The following EDDM13 variants were observed in gnomAD, a reference collection of about 807,000 sequenced individuals.
The protein encoded by EDDM13 is epididymal protein 13.
In EDDM13, 24 loss-of-function variants were observed where a neutral mutation model predicts 17.8. The ratio of observed to expected loss-of-function variants is 1.35; its 90% confidence interval spans 0.98 to 1.90. The LOEUF is 1.90. EDDM13 is among the 40% of genes most tolerant of loss of function. EDDM13 has a pLI of 0.00. For synonymous variants in EDDM13, 31 were observed against 37.5 expected (o/e 0.83, Z 0.63); for missense variants, 97 against 100.8 (o/e 0.96, Z 0.16).
chr19:56,310,155 T>A lies in EDDM13; in HGVS notation c.*7T>A, dbSNP rs932118606. 6.6e-6 allele frequency: 1 copy of A among 152,328 alleles called. No homozygotes were observed. The highest frequency in any genetic ancestry group is 2.4e-5 in the African/African-American group (1 of 41,474). The allele number at this position is 152,328 out of a possible 1,614,324, so 9.4% of individuals were successfully genotyped here. A position where few individuals can be genotyped will look rare whatever the true frequency, so the allele number is the denominator to read the frequency against. Reference sequence around the variant, plus strand: ...TCCCTGCTGTTCTTTCTAGTGAGCCTGCTCCATCTCAGCTTAGCCTTCACA... The same window carrying A: ...TCCCTGCTGTTCTTTCTAGTGAGCCAGCTCCATCTCAGCTTAGCCTTCACA... On this transcript the variant is annotated 3_prime_UTR_variant, in exon 15 of 15. Transcript: ENST00000649256.
chr19:56,282,412 C>T, intron 3 of EDDM13, 79 bp from the exon 4 acceptor site: 1 of 860,730 alleles, frequency 1.2e-6, no homozygotes, highest in African/African-American at 1.8e-5. Context: ...CTTTCATATT[C>T]TCTCTGAACC....
chr19:56,283,968 A>G (rs1238649205), intron 4 of EDDM13: 2 of 153,136 alleles, frequency 1.3e-5, no homozygotes, highest in Non-Finnish European at 2.9e-5. Flanking sequence ...CATCAAATGC[A>G]CGAGGGTCCT....
At chr19:56,309,930 C>G (rs1287250930) in intron 14 of EDDM13, among the ~76,000 whole-genome samples, 194 bp from the exon 15 acceptor site, 1 of 151,862 alleles carries the variant, frequency 6.6e-6, no homozygotes, top group Non-Finnish European at 1.5e-5. Flanking sequence ...GCTGGAACAG[C>G]CCGGTGGGAA....
At chr19:56,289,388 C>A (rs141820645) in intron 8 of EDDM13, among the ~76,000 whole-genome samples, 1 of 152,252 alleles carries the variant, frequency 6.6e-6, no homozygotes, top group African/African-American at 2.4e-5. Context: ...AGGCCCTTTA[C>A]AGAGGGGAGG....
At chr19:56,292,305 A>G (rs1382804177) in intron 9 of EDDM13, among the ~76,000 whole-genome samples, 1 of 152,202 alleles carries the variant, frequency 6.6e-6, no homozygotes, top group Non-Finnish European at 1.5e-5. Context: ...TTTTTTAGAG[A>G]CAGGATCTTG....
intron 3 of EDDM13, among the ~76,000 whole-genome samples, chr19:56,282,012 T>A (rs1441835839): frequency 6.6e-6 from 1 of 152,180 alleles, no homozygotes; most frequent in African/African-American, 2.4e-5. Flanking sequence ...TTCAGTAGGA[T>A]CAATGACCTA....
At chr19:56,300,150 T>C (rs1354761568) in intron 12 of EDDM13, among the ~76,000 whole-genome samples, 1 of 151,938 alleles carries the variant, frequency 6.6e-6, no homozygotes, top group African/African-American at 2.4e-5. Flanking sequence ...TCCACCCAGG[T>C]AGAAGAGAAA....
chr19:56,301,011 C>A (rs943048370), intron 12 of EDDM13, among the ~76,000 whole-genome samples: 2 of 152,120 alleles, frequency 1.3e-5, no homozygotes, highest in South Asian at 4.1e-4. Flanking sequence ...GCAGAGGCAG[C>A]CATCAAGAGC....
chr19:56,285,410 A>T (rs2039031819), intron 6 of EDDM13, among the ~76,000 whole-genome samples: 1 of 152,230 alleles, frequency 6.6e-6, no homozygotes, highest in South Asian at 2.1e-4. Context: ...ATGTATGTAC[A>T]TCCTTAACTC....
chr19:56,305,527 C>T (rs1203738342), intron 14 of EDDM13, among the ~76,000 whole-genome samples: 5 of 152,140 alleles, frequency 3.3e-5, no homozygotes, highest in Non-Finnish European at 5.9e-5. Context: ...TGTTGTGAGT[C>T]GTGGTGCTAT....
chr19:56,275,303 C>T (rs2038164240), intron 1 of EDDM13, among the ~76,000 whole-genome samples: 2 of 152,322 alleles, frequency 1.3e-5, no homozygotes, highest in African/African-American at 4.8e-5. Context: ...AGTGCTTCTC[C>T]AATGGTGATT....
In EDDM13 at chr19:56,292,890, C is replaced by T. The variant is rs976725304; in HGVS notation, c.232+2044C>T. On this transcript the variant is annotated intron_variant, in intron 9 of 14. Coordinates refer to ENST00000649256, the MANE Select transcript of EDDM13 (RefSeq NM_001354658.2). ...GGTTCAGCCACATTGTGGCCTGTGA[C>T]AGTGCTTCACTCCTTTTCATGGCTG... is the stretch of plus-strand genomic sequence containing the variant. Among the ~76,000 whole-genome samples, 10 of 152,350 alleles carry T rather than the reference C, an allele frequency of 6.6e-5. No homozygotes were observed. In the East Asian group the frequency reaches 1.9e-3, roughly 29 times the overall value.
chr19:56,292,577 T>G (rs1600207334), intron 9 of EDDM13, among the ~76,000 whole-genome samples: 1 of 151,942 alleles, frequency 6.6e-6, no homozygotes, highest in African/African-American at 2.4e-5. Flanking sequence ...CACGAGCCAC[T>G]GCACCCACCT....
At chr19:56,295,675 CTGCGG>C (rs2039825234) in intron 9 of EDDM13, among the ~76,000 whole-genome samples, 1 of 152,176 alleles carries the variant, frequency 6.6e-6, no homozygotes, top group Admixed American at 6.5e-5. Context: ...CCTAACCTTG[CTGCGG>C]TGCAAATCCT....
chr19:56,285,040 G>GT lies in EDDM13; in HGVS notation c.154+17dup. ...TCACCGGATGGTAAGTGTCAGGATT[G>GT]TATCTTTTAAACCTGGTCTTTCTCT... On this transcript the variant is annotated intron_variant, in intron 6 of 14. Coordinates refer to ENST00000649256, the MANE Select transcript of EDDM13 (RefSeq NM_001354658.2). The GT allele has an allele frequency of 1.0e-6, 1 of 984,626 alleles. No homozygotes were observed. Among genetic ancestry groups the GT allele is most frequent in the Non-Finnish European group, 1.2e-6 (1 of 829,210 alleles). The allele number at this position is 984,626 out of a possible 1,614,324, so 61.0% of individuals were successfully genotyped here.
chr19:56,309,471 C>T (rs2040896499), intron 14 of EDDM13, among the ~76,000 whole-genome samples: 1 of 152,204 alleles, frequency 6.6e-6, no homozygotes, highest in Admixed American at 6.5e-5. Context: ...ATTATGTTTG[C>T]ATTTTACCTC....
intron 12 of EDDM13, among the ~76,000 whole-genome samples, chr19:56,300,607 G>A (rs909005545): frequency 1.3e-5 from 2 of 152,306 alleles, no homozygotes; most frequent in Non-Finnish European, 1.5e-5. Context: ...TAGTGTAAAC[G>A]TTGAAGAGAG....
intron 9 of EDDM13, among the ~76,000 whole-genome samples, chr19:56,291,465 C>CT (rs2039504926): frequency 6.6e-6 from 1 of 152,140 alleles, no homozygotes; most frequent in Admixed American, 6.5e-5. Context: ...CTTTATTTCT[C>CT]TTTTTTGGGA....
At chr19:56,280,185 TTA>T (rs1465314426) in intron 2 of EDDM13, among the ~76,000 whole-genome samples, 1 of 152,240 alleles carries the variant, frequency 6.6e-6, no homozygotes, top group Non-Finnish European at 1.5e-5. Flanking sequence ...AGACAGCGTA[TTA>T]TACACACTGT....
Sources: gnomAD v4.1 joint callset for allele counts (sites outside exome capture counted in the v4.1 genomes callset) on GRCh38, gnomAD v4.1.1 for gene constraint, MANE v1.5 for transcripts, NCBI Gene and HGNC (gene_info 2026-07-23, HGNC 2026-07-21) for gene names.